MACROD2: variants seen among roughly 807,000 people sequenced by gnomAD.
MACROD2 encodes the protein mono-ADP ribosylhydrolase 2, also known as ADP-ribose glycohydrolase MACROD2.
MACROD2 carries 36 observed loss-of-function variants against 70.4 expected under a neutral mutation model. That is an observed-to-expected ratio of 0.51 (90% CI 0.39 to 0.68). MACROD2 has a LOEUF of 0.68. MACROD2 is among the 30% of genes least tolerant of loss of function. The pLI, the probability that MACROD2 is intolerant of heterozygous loss-of-function variation, is 0.00. For missense variants in MACROD2, 496 were observed against 538.4 expected, an observed-to-expected ratio of 0.92 and a Z score of 0.78; for synonymous variants, 172 against 178.8, an observed-to-expected ratio of 0.96 and a Z score of 0.30.
At chr20:15,335,654 G>A (rs950062419) in intron 6 of MACROD2, among the ~76,000 whole-genome samples, 3 of 151,580 alleles carry the variant, frequency 2.0e-5, no homozygotes, top group Non-Finnish European at 4.4e-5. Context: ...GATATTTCTG[G>A]CTGTGATAAT....
intron 13 of MACROD2, among the ~76,000 whole-genome samples, chr20:15,974,607 A>G (rs1286127851): frequency 6.6e-6 from 1 of 152,122 alleles, no homozygotes; most frequent in Non-Finnish European, 1.5e-5. Context: ...ACATTTCATT[A>G]TACATTGCCA....
chr20:15,861,165 A>T (rs897949372), intron 8 of MACROD2, among the ~76,000 whole-genome samples: 1 of 151,770 alleles, frequency 6.6e-6, no homozygotes, highest in Admixed American at 6.6e-5. Context: ...TTATGAATAG[A>T]TCCCTACACT....
At chr20:15,007,089 G>T (rs1296055949) in intron 5 of MACROD2, among the ~76,000 whole-genome samples, 1 of 152,146 alleles carries the variant, frequency 6.6e-6, no homozygotes, top group African/African-American at 2.4e-5. Context: ...GAGAGGCCGG[G>T]CGCAGTGGCT....
intron 3 of MACROD2, among the ~76,000 whole-genome samples, chr20:14,356,402 A>G (rs1176260079): frequency 1.3e-5 from 2 of 151,988 alleles, no homozygotes; most frequent in Non-Finnish European, 2.9e-5. Flanking sequence ...ACATGAAATA[A>G]CTTATTTAGT....
rs141078137 is a variant in MACROD2 at position 14,562,607 on chromosome 20, A to G, written c.301+69099A>G. 1.8e-4 allele frequency among the ~76,000 whole-genome samples: 28 copies of G among 151,986 alleles called. No homozygotes were observed. In the East Asian group the frequency reaches 5.1e-3, roughly 28 times the overall value. Reference sequence around the variant, plus strand: ...TGCTCCAACCCTGGGTCATCTTTCTACTGTTTGAAATTGGTATCCAACTAT... The same window carrying G: ...TGCTCCAACCCTGGGTCATCTTTCTGCTGTTTGAAATTGGTATCCAACTAT... On this transcript the variant is annotated intron_variant, in intron 4 of 17. Coordinates refer to ENST00000684519, the MANE Select transcript of MACROD2 (RefSeq NM_001351661.2).
chr20:14,950,362 C>T (rs1057263822), intron 5 of MACROD2, among the ~76,000 whole-genome samples: 6 of 152,028 alleles, frequency 3.9e-5, no homozygotes, highest in East Asian at 1.9e-4. Flanking sequence ...TATTGTGGGA[C>T]GTGGAAGTCT....
intron 5 of MACROD2, among the ~76,000 whole-genome samples, chr20:15,153,055 A>AG (rs1174275135): frequency 2.0e-5 from 3 of 152,090 alleles, no homozygotes; most frequent in Admixed American, 6.5e-5. Flanking sequence ...TGAGGACCTG[A>AG]GGTCGTAGGT....
intron 7 of MACROD2, among the ~76,000 whole-genome samples, chr20:15,492,928 G>A (rs6043325): frequency 2.0e-5 from 3 of 152,150 alleles, no homozygotes; most frequent in Non-Finnish European, 4.4e-5. Flanking sequence ...TTACTTGGAA[G>A]GCTGGTTAGT....
At chr20:15,641,424 CATGCCTCTATGGAGGACATGCT>C (rs1262236066) in intron 8 of MACROD2, among the ~76,000 whole-genome samples, 3 of 152,142 alleles carry the variant, frequency 2.0e-5, no homozygotes, top group African/African-American at 7.2e-5. Context: ...GTAAAAGATT[CATGCCTCTATGGAGGACATGCT>C]TTGCTGAATT....
chr20:14,409,979 C>G (rs2083732524), intron 3 of MACROD2, among the ~76,000 whole-genome samples: 1 of 152,104 alleles, frequency 6.6e-6, no homozygotes, highest in Admixed American at 6.6e-5. Context: ...TTTGCAAGTA[C>G]CTTCTACTCT....
intron 5 of MACROD2, among the ~76,000 whole-genome samples, chr20:15,096,945 G>T (rs1601069362): frequency 6.6e-6 from 1 of 151,652 alleles, no homozygotes; most frequent in East Asian, 1.9e-4. Flanking sequence ...CCAAGTAGAG[G>T]GAATTACAGG....
In MACROD2 at chr20:14,322,722, G is replaced by A. The variant is rs369911456; in HGVS notation, c.272-170757G>A. Among the ~76,000 whole-genome samples the A allele has an allele frequency of 3.3e-5, 5 of 152,102 alleles. No individual in the cohort carries two copies. In the East Asian group the frequency reaches 5.8e-4, roughly 18 times the overall value. Reference sequence around the variant, plus strand: ...CTCCTTGTCAGTAGAGGAGTAAAAGGAGCAGTATCTAGTAAAACTTGGGAA... The same window carrying A: ...CTCCTTGTCAGTAGAGGAGTAAAAGAAGCAGTATCTAGTAAAACTTGGGAA... On this transcript the variant is annotated intron_variant, in intron 3 of 17. Transcript: ENST00000684519.
At chr20:14,155,097 C>A (rs1309329110) in intron 3 of MACROD2, among the ~76,000 whole-genome samples, 1 of 152,106 alleles carries the variant, frequency 6.6e-6, no homozygotes, top group Non-Finnish European at 1.5e-5. Context: ...TTTGTTTTGA[C>A]TTGAAAGTCC....
At chr20:15,646,921 C>T (rs2049555880) in intron 8 of MACROD2, among the ~76,000 whole-genome samples, 1 of 152,234 alleles carries the variant, frequency 6.6e-6, no homozygotes, top group Admixed American at 6.5e-5. Flanking sequence ...CGGACTAATA[C>T]ACACAGCACA....
At chr20:15,759,101 G>A (rs8116346) in intron 8 of MACROD2, among the ~76,000 whole-genome samples, 8,045 of 134,800 alleles carry the variant, frequency 0.06, 367 homozygotes, top group African/African-American at 0.14. Flanking sequence ...AGCCAAGATT[G>A]CGCCACTGTA....
chr20:14,838,581 A>G (rs2073055016), intron 5 of MACROD2, among the ~76,000 whole-genome samples: 2 of 152,168 alleles, frequency 1.3e-5, no homozygotes, highest in Non-Finnish European at 2.9e-5. Flanking sequence ...AATGCAGATT[A>G]AATAGCATAA....
intron 4 of MACROD2, among the ~76,000 whole-genome samples, chr20:14,676,597 G>A (rs1234373261): frequency 6.6e-6 from 1 of 152,154 alleles, no homozygotes; most frequent in East Asian, 1.9e-4. Flanking sequence ...AGCACTAAAT[G>A]CCCACAGGAG....
chr20:14,703,260 G>A (rs971946037), intron 5 of MACROD2, among the ~76,000 whole-genome samples: 1 of 152,074 alleles, frequency 6.6e-6, no homozygotes, highest in African/African-American at 2.4e-5. Flanking sequence ...CTGGTTGGGA[G>A]GGACTGTGTG....
intron 6 of MACROD2, among the ~76,000 whole-genome samples, chr20:15,328,289 C>T (rs1183032038): frequency 6.6e-6 from 1 of 152,000 alleles, no homozygotes; most frequent in African/African-American, 2.4e-5. Context: ...ACACTGTGGC[C>T]AGAGGGAGAG....
Sources: allele counts gnomAD v4.1 joint callset (sites outside exome capture counted in the v4.1 genomes callset), GRCh38; gene constraint gnomAD v4.1.1; transcripts MANE v1.5; gene names NCBI Gene and HGNC (gene_info 2026-07-23, HGNC 2026-07-21).